TENM2: variants seen among roughly 807,000 people sequenced by gnomAD.
TENM2 encodes teneurin-2.
In TENM2, 52 loss-of-function variants were observed where a neutral mutation model predicts 245.2. The observed-to-expected ratio is 0.21, with a 90% CI of 0.17 to 0.27. The LOEUF (loss-of-function observed/expected upper bound fraction) is 0.27, where lower values mean the gene tolerates loss of function less well. Ranked by LOEUF, TENM2 falls within the 10% of genes least tolerant of loss-of-function variation. The pLI is 1.00. For synonymous variants in TENM2, 1,363 were observed against 1,438.9 expected, an observed-to-expected ratio of 0.95 and a Z score of 1.19; for missense variants, 3,046 against 3,666.8, an observed-to-expected ratio of 0.83 and a Z score of 4.37.
chr5:167,201,050 T>C, the TENM2 span, among the ~76,000 whole-genome samples: 1 of 152,178 alleles, frequency 6.6e-6, no homozygotes, highest in African/African-American at 2.4e-5. Context: ...GCCTGCCAAC[T>C]TCATGTCTTC....
intron 2 of TENM2, among the ~76,000 whole-genome samples, chr5:167,858,255 T>A (rs185232508): frequency 3.9e-5 from 6 of 152,374 alleles, no homozygotes; most frequent in South Asian, 2.1e-4. Context: ...TCTGCATCTG[T>A]ACCATGTCTT....
exon 2 of TENM2, chr5:167,375,473 G>T: frequency 2.6e-6 from 4 of 1,551,478 alleles, no homozygotes; most frequent in Admixed American, 2.0e-5. Context: ...TGATGAGAAC[G>T]GTAGGCCTGC....
intron 3 of TENM2, among the ~76,000 whole-genome samples, chr5:167,921,176 G>A (rs984944293): frequency 1.3e-5 from 2 of 152,190 alleles, no homozygotes; most frequent in African/African-American, 2.4e-5. Context: ...GTGTTGTCCT[G>A]ATGATAAGCT....
chr5:167,855,948 A>G (rs1328183596), intron 2 of TENM2, among the ~76,000 whole-genome samples: 1 of 144,388 alleles, frequency 6.9e-6, no homozygotes. Flanking sequence ...GAAAGAAGGG[A>G]TGGAGGAAGG....
At chr5:167,962,159 CCTT>C (rs1408904294) in intron 4 of TENM2, among the ~76,000 whole-genome samples, 1 of 152,170 alleles carries the variant, frequency 6.6e-6, no homozygotes, top group Non-Finnish European at 1.5e-5. Flanking sequence ...GGTCTAGAGT[CCTT>C]CTTCAGATCC....
chr5:167,022,802 A>T, the TENM2 span, among the ~76,000 whole-genome samples: 10 of 151,978 alleles, frequency 6.6e-5, no homozygotes, highest in Admixed American at 6.6e-4. Flanking sequence ...CTTTTACACT[A>T]ATTTATCTCA....
intron 2 of TENM2, among the ~76,000 whole-genome samples, chr5:167,791,736 T>C (rs1285199231): frequency 6.6e-6 from 1 of 151,858 alleles, no homozygotes; most frequent in Non-Finnish European, 1.5e-5. Flanking sequence ...ACCGACATAG[T>C]GCTTAAGAAA....
At chr5:167,768,172 C>A (rs1763165871) in intron 2 of TENM2, among the ~76,000 whole-genome samples, 1 of 152,084 alleles carries the variant, frequency 6.6e-6, no homozygotes, top group African/African-American at 2.4e-5. Context: ...GCTAAATAAC[C>A]CTCAATATGA....
intron 2 of TENM2, among the ~76,000 whole-genome samples, chr5:167,696,924 A>G (rs546461970): frequency 6.6e-6 from 1 of 152,124 alleles, no homozygotes; most frequent in Non-Finnish European, 1.5e-5. Flanking sequence ...AAACCTCAAG[A>G]AGCTCATCAC....
the TENM2 span, among the ~76,000 whole-genome samples, chr5:167,127,416 A>G: frequency 6.6e-6 from 1 of 152,102 alleles, no homozygotes; most frequent in Non-Finnish European, 1.5e-5. Context: ...AAATTTTCCT[A>G]CCCTTCTAAC....
At chr5:167,728,327 GC>G (rs1760171583) in intron 2 of TENM2, among the ~76,000 whole-genome samples, 1 of 152,020 alleles carries the variant, frequency 6.6e-6, no homozygotes, top group African/African-American at 2.4e-5. Context: ...GGCTGGCCAG[GC>G]ATGATGGCTC....
At chr5:167,133,498 AATACCTGTGG>A in the TENM2 span, among the ~76,000 whole-genome samples, 1 of 152,140 alleles carries the variant, frequency 6.6e-6, no homozygotes, top group Non-Finnish European at 1.5e-5. Context: ...CAGAAACTCA[AATACCTGTGG>A]AGTTAGGCAG....
At chr5:167,007,785 A>G in the TENM2 span, among the ~76,000 whole-genome samples, 1 of 152,174 alleles carries the variant, frequency 6.6e-6, no homozygotes, top group African/African-American at 2.4e-5. This position sits in a 1 kb window ranked among gnomAD's most constrained non-coding sequence, Gnocchi z 4.2. Flanking sequence ...CCACTGTGCC[A>G]CAGGTGAGGT....
intron 2 of TENM2, among the ~76,000 whole-genome samples, chr5:167,391,397 G>T (rs898056140): frequency 6.6e-6 from 1 of 151,914 alleles, no homozygotes; most frequent in African/African-American, 2.4e-5. Context: ...AGGCTGAGGC[G>T]AGCAGATCAC....
chr5:167,240,792 T>G, the TENM2 span, among the ~76,000 whole-genome samples: 1 of 152,194 alleles, frequency 6.6e-6, no homozygotes. Flanking sequence ...CTTTTGTTCT[T>G]AGAACAAGAA....
intron 3 of TENM2, among the ~76,000 whole-genome samples, chr5:167,944,269 C>T (rs923567613): frequency 2.0e-5 from 3 of 152,188 alleles, no homozygotes; most frequent in Admixed American, 1.3e-4. Context: ...TGTTTCCCCT[C>T]CCACAAATGT....
chr5:167,236,610 G>A, the TENM2 span, among the ~76,000 whole-genome samples: 1 of 152,204 alleles, frequency 6.6e-6, no homozygotes, highest in Non-Finnish European at 1.5e-5. Context: ...AATGGTTCAT[G>A]TGGTGGTCCC....
chr5:167,192,986 C>A, the TENM2 span, among the ~76,000 whole-genome samples: 2 of 151,878 alleles, frequency 1.3e-5, no homozygotes, highest in East Asian at 1.9e-4. Context: ...CCCTTTCAGG[C>A]GAGAGTTTAG....
At chr5:167,180,241 C>T in the TENM2 span, among the ~76,000 whole-genome samples, 1 of 151,518 alleles carries the variant, frequency 6.6e-6, no homozygotes, top group Non-Finnish European at 1.5e-5. Flanking sequence ...TCCTGAGTAG[C>T]TGGGATTACA....
Sources: gnomAD v4.1 joint callset for allele counts (sites outside exome capture counted in the v4.1 genomes callset) on GRCh38, gnomAD v4.1.1 for gene constraint, Gnocchi (gnomAD v3.1) non-coding constraint, MANE v1.5 for transcripts, NCBI Gene and HGNC (gene_info 2026-07-23, HGNC 2026-07-21) for gene names.